VDR: variants seen among roughly 807,000 people sequenced by gnomAD.
VDR encodes the protein vitamin D receptor, also known as vitamin D3 receptor.
Under a neutral mutation model 39.7 loss-of-function variants are expected in VDR, and 19 were observed. The observed-to-expected ratio is 0.48, with a 90% confidence interval of 0.33 to 0.70. VDR has a LOEUF of 0.70. VDR is among the 30% of genes least tolerant of loss of function. The pLI, the probability that VDR is intolerant of heterozygous loss-of-function variation, is 0.02. For missense variants in VDR, 442 were observed against 570.5 expected, an observed-to-expected ratio of 0.77 and a Z score of 2.29; for synonymous variants, 242 against 215.8, an observed-to-expected ratio of 1.12 and a Z score of -1.07.
chr12:47,874,133 C>T (rs1218060030), intron 3 of VDR, among the ~76,000 whole-genome samples: 1 of 152,160 alleles, frequency 6.6e-6, no homozygotes, highest in Non-Finnish European at 1.5e-5. Context: ...ATATTTTGGC[C>T]TCCTCTACCC....
chr12:47,868,379 T>A (rs1344271622), intron 3 of VDR, among the ~76,000 whole-genome samples: 1 of 152,218 alleles, frequency 6.6e-6, no homozygotes, highest in East Asian at 1.9e-4. Flanking sequence ...CAGGGGCTCC[T>A]TAGCTCCAAG....
At chr12:47,871,294 CTT>C (rs1565622645) in intron 3 of VDR, among the ~76,000 whole-genome samples, 50 of 90,606 alleles carry the variant, frequency 5.5e-4, no homozygotes, top group African/African-American at 2.1e-3. Context: ...TTCTCTTTCT[CTT>C]TCTTTCTTTC....
At chr12:47,891,348 T>C (rs1946365307) in intron 1 of VDR, among the ~76,000 whole-genome samples, 2 of 152,236 alleles carry the variant, frequency 1.3e-5, no homozygotes, top group East Asian at 3.8e-4. Context: ...ATAAGCTTTA[T>C]GTGTTAACTA....
intron 9 of VDR, among the ~76,000 whole-genome samples, chr12:47,845,664 A>G (rs1004477877): frequency 3.3e-5 from 5 of 152,190 alleles, no homozygotes; most frequent in African/African-American, 1.2e-4. Context: ...AATTGTTGCT[A>G]AGTGGATGAA....
chr12:47,877,237 A>C (rs929622351), intron 3 of VDR, among the ~76,000 whole-genome samples: 1 of 151,484 alleles, frequency 6.6e-6, no homozygotes, highest in African/African-American at 2.4e-5. Context: ...AAATCACACA[A>C]ACACACACAC....
At chr12:47,858,297 T>A (rs1184053246) in intron 4 of VDR, among the ~76,000 whole-genome samples, 1 of 152,216 alleles carries the variant, frequency 6.6e-6, no homozygotes, top group Admixed American at 6.5e-5. Flanking sequence ...AAGTGAGATG[T>A]GGAGAGGACT....
chr12:47,855,650 A>T lies in VDR; in HGVS notation c.735T>A (p.Ala245=). The change falls in exon 7 of 10, where the codon GCT becomes GCA. Residue 245 remains alanine (A), a synonymous_variant. Coordinates refer to ENST00000549336, the MANE Select transcript of VDR (RefSeq NM_000376.3). ...CTTACCTGAATCCTGGTATCATCTT[A>T]GCAAAGCCAATGACCTTTTGGATGC... The part of the protein sequence containing the change: ...SYSIQKVIGF[A]KMIPGFRDLT... 6.2e-7 allele frequency: 1 copy of T among 1,614,212 alleles called. No individual in the cohort carries two copies. Among genetic ancestry groups the T allele is most frequent in the Non-Finnish European group, 8.5e-7 (1 of 1,180,026 alleles).
intron 1 of VDR, among the ~76,000 whole-genome samples, chr12:47,904,088 G>C (rs1342949251): frequency 7.2e-6 from 1 of 139,306 alleles, no homozygotes; most frequent in Non-Finnish European, 1.5e-5. Flanking sequence ...ACGCATAGAG[G>C]AGGAGGAGGA....
intron 3 of VDR, among the ~76,000 whole-genome samples, chr12:47,866,997 A>AAAAAC (rs10653597): frequency 0.44 from 65,820 of 149,896 alleles, 14,871 homozygotes; most frequent in East Asian, 0.69. Context: ...CCCTGTCTCA[A>AAAAAC]AAAACAAAAC....
In VDR at chr12:47,865,104, G is replaced by T; in HGVS notation, c.220C>A (p.Arg74Ser). ...TTGAGCCGGCAGGCCTGGCAGTGGC[G>T]TCGGTTGTCCTTGGTGATGCGGCAG... ...GDCRITKDNR[R>S]HCQACRLKRC... Residue 74 changes from arginine to serine, a missense_variant, in exon 4 of 10, where the codon CGC becomes AGC. Arg to Ser is a moderately radical substitution (Grantham distance 110, BLOSUM62 -1). Coordinates refer to ENST00000549336, the MANE Select transcript of VDR (RefSeq NM_000376.3). The T allele has an allele frequency of 6.2e-7, 1 of 1,613,992 alleles. No individual in the cohort carries two copies. Among genetic ancestry groups the T allele is most frequent in the Middle Eastern group, 1.7e-4 (1 of 6,060 alleles).
intron 1 of VDR, among the ~76,000 whole-genome samples, chr12:47,885,622 A>C (rs1946237639): frequency 6.6e-6 from 1 of 152,384 alleles, no homozygotes; most frequent in Admixed American, 6.5e-5. Context: ...GTGGACAAGA[A>C]GTCTGACCGC....
intron 1 of VDR, among the ~76,000 whole-genome samples, chr12:47,897,640 T>G (rs186945871): frequency 3.5e-4 from 54 of 152,292 alleles, no homozygotes; most frequent in Non-Finnish European, 7.4e-4. Context: ...TTTTCCCCAG[T>G]AGTCCTAGCA....
At chr12:47,882,940 G>T in intron 1 of VDR, 166 bp from the exon 2 acceptor site, 1 of 565,902 alleles carries the variant, frequency 1.8e-6, no homozygotes, top group Non-Finnish European at 3.0e-6. Context: ...GTCATCGCTG[G>T]CAGGGGTGTG....
At chr12:47,900,226 G>A (rs1307042665) in intron 1 of VDR, among the ~76,000 whole-genome samples, 1 of 152,188 alleles carries the variant, frequency 6.6e-6, no homozygotes, top group African/African-American at 2.4e-5. Context: ...CTGGCAGAGG[G>A]AGCCTCCTTC....
At chr12:47,846,300 C>A in intron 9 of VDR, 35 bp downstream of exon 9, 1 of 1,591,808 alleles carries the variant, frequency 6.3e-7, no homozygotes, top group East Asian at 2.2e-5. Context: ...CCCCGCTCCC[C>A]AGGTCCCTGA....
intron 4 of VDR, among the ~76,000 whole-genome samples, chr12:47,858,052 C>G (rs954044549): frequency 2.0e-5 from 3 of 147,270 alleles, no homozygotes; most frequent in Non-Finnish European, 4.5e-5. Context: ...AGGTTCCTTT[C>G]TTGTACCTTC....
chr12:47,854,763 G>A (rs191901369), intron 7 of VDR, among the ~76,000 whole-genome samples: 51 of 152,374 alleles, frequency 3.3e-4, no homozygotes, highest in Middle Eastern at 3.4e-3. Context: ...CAGAAAGTGC[G>A]GGGATGGACT....
chr12:47,882,552 T>C (rs1946172001), intron 2 of VDR, 142 bp downstream of exon 2: 2 of 694,816 alleles, frequency 2.9e-6, no homozygotes, highest in African/African-American at 3.6e-5. Context: ...TTGCAGACTC[T>C]GCTGGCCCGG....
intron 1 of VDR, among the ~76,000 whole-genome samples, chr12:47,885,280 G>GCCTGAC (rs1462697965): frequency 2.6e-5 from 4 of 152,170 alleles, no homozygotes; most frequent in African/African-American, 9.7e-5. Context: ...CAAAAACCCT[G>GCCTGAC]CCTGACCCTG....
Sources: allele counts gnomAD v4.1 joint callset (sites outside exome capture counted in the v4.1 genomes callset), GRCh38; gene constraint gnomAD v4.1.1; transcripts MANE v1.5; gene names NCBI Gene and HGNC (gene_info 2026-07-23, HGNC 2026-07-21).